Variants in NTRK3 observed in about 807,000 individuals in gnomAD.
NTRK3 encodes the protein NT-3 growth factor receptor.
NTRK3 carries 24 observed loss-of-function variants against 91.7 expected under a neutral mutation model. The observed-to-expected ratio is 0.26, with a 90% CI of 0.19 to 0.37. The LOEUF is 0.37. Among genes scored for constraint, NTRK3 ranks in the 10% least tolerant of loss-of-function variants. The pLI, the probability that NTRK3 is intolerant of heterozygous loss-of-function variation, is 1.00. For synonymous variants in NTRK3, 483 were observed against 404.0 expected (o/e 1.20, Z -2.34); for missense variants, 880 against 1,068.9 (o/e 0.82, Z 2.46).
intron 14 of NTRK3, among the ~76,000 whole-genome samples, chr15:87,945,820 A>C (rs28621865): frequency 0.08 from 12,024 of 151,094 alleles, 1,596 homozygotes; most frequent in African/African-American, 0.27. Context: ...AAAAAAAAAA[A>C]AAAAAAAAAC....
Position 88,179,586 on chromosome 15 carries a change from T to TC in NTRK3, c.395+3831dup, listed in dbSNP as rs1477840483. Among the ~76,000 whole-genome samples the TC allele has an allele frequency of 2.0e-5, 3 of 152,238 alleles. No individual in the cohort carries two copies. In the East Asian group the frequency reaches 5.8e-4, roughly 29 times the overall value. ...CGTCTACATTCTTCATGTATGGGGA[T>TC]CCCAGACTGTGGCGATCCAGTCTGT... On this transcript the variant is annotated intron_variant, in intron 5 of 18. Transcript: ENST00000394480.
intron 3 of NTRK3, among the ~76,000 whole-genome samples, chr15:88,254,337 G>C (rs2053768378): frequency 6.6e-6 from 1 of 152,032 alleles, no homozygotes; most frequent in Non-Finnish European, 1.5e-5. Flanking sequence ...TGGGGGAGAG[G>C]CACAGTTGGG....
intron 14 of NTRK3, chr15:87,979,178 G>A: frequency 1.5e-6 from 1 of 674,488 alleles, no homozygotes; most frequent in Admixed American, 2.3e-5. Flanking sequence ...GGTGGATGGG[G>A]GAAAACACCC....
At chr15:88,005,310 A>G (rs2076409627) in intron 14 of NTRK3, among the ~76,000 whole-genome samples, 1 of 152,170 alleles carries the variant, frequency 6.6e-6, no homozygotes, top group Non-Finnish European at 1.5e-5. Context: ...GCCCCAGAGA[A>G]GTCCATGGAG....
chr15:87,953,380 G>A (rs900714624), intron 14 of NTRK3, among the ~76,000 whole-genome samples: 31 of 152,194 alleles, frequency 2.0e-4, no homozygotes, highest in Admixed American at 6.5e-5. Context: ...TGGACCAGAA[G>A]ACGATTCTTT....
chr15:88,065,320 GTTC>G (rs1283002482), intron 13 of NTRK3, among the ~76,000 whole-genome samples: 2 of 152,132 alleles, frequency 1.3e-5, no homozygotes, highest in East Asian at 1.9e-4. Flanking sequence ...AGCAGAAAAC[GTTC>G]TTCTTAGTCC....
chr15:88,130,820 A>C (rs946213687), intron 10 of NTRK3, among the ~76,000 whole-genome samples: 38 of 152,336 alleles, frequency 2.5e-4, no homozygotes, highest in Admixed American at 2.0e-3. Flanking sequence ...ATTGGATCCT[A>C]GACAAGGAAA....
exon 7 of NTRK3, chr15:88,137,509 G>T (rs2041991345): frequency 6.2e-7 from 1 of 1,614,066 alleles, no homozygotes; most frequent in Non-Finnish European, 8.5e-7. Flanking sequence ...TCCTGCCAGA[G>T]CTGCATCCAG....
At position 88,075,451 on chromosome 15, in the gene NTRK3, C is replaced by A. The variant is rs549511542; in HGVS notation, c.1397-42406G>T. Among the ~76,000 whole-genome samples, 250 of 152,292 alleles carry A rather than the reference C, an allele frequency of 1.6e-3. 1 individual carries two copies. The highest frequency in any genetic ancestry group is 6.2e-3 in the Admixed American group (95 of 15,300). Reference sequence around the variant, plus strand: ...ACCCTCCATTAGCAGCTTAACGGTCCTAATAGACAACGCCCTGAAAGGAAC... The same window carrying A: ...ACCCTCCATTAGCAGCTTAACGGTCATAATAGACAACGCCCTGAAAGGAAC... On this transcript the variant is annotated intron_variant, in intron 13 of 18. Coordinates refer to ENST00000394480, the Ensembl canonical transcript of NTRK3.
At chr15:87,940,226 G>A (rs927230194) in intron 15 of NTRK3, among the ~76,000 whole-genome samples, 10 of 151,942 alleles carry the variant, frequency 6.6e-5, no homozygotes, top group African/African-American at 1.7e-4. Flanking sequence ...TAATCAGCCT[G>A]CTCTACAACA....
At chr15:88,212,318 C>T (rs1034111560) in intron 3 of NTRK3, among the ~76,000 whole-genome samples, 5 of 152,014 alleles carry the variant, frequency 3.3e-5, no homozygotes, top group Non-Finnish European at 7.4e-5. Flanking sequence ...TGCAGTGAGC[C>T]GAGATCGCGC....
exon 19 of NTRK3, chr15:87,872,372 CT>C (rs1187633634): frequency 1.3e-5 from 3 of 224,756 alleles, no homozygotes; most frequent in African/African-American, 4.5e-5. Flanking sequence ...TAGAAAAGGA[CT>C]TTGGTGAATA....
chr15:88,135,368 G>C (rs553060641), exon 10 of NTRK3: 4 of 1,614,044 alleles, frequency 2.5e-6, no homozygotes, highest in African/African-American at 2.7e-5. Flanking sequence ...CGCAGCTCAG[G>C]CTCCTCCAGG....
At chr15:88,186,023 G>A (rs2046916346) in intron 3 of NTRK3, among the ~76,000 whole-genome samples, 1 of 152,142 alleles carries the variant, frequency 6.6e-6, no homozygotes, top group South Asian at 2.1e-4. Context: ...CAGTTTGGGT[G>A]GTCTGGTCTC....
chr15:87,918,550 C>T (rs779188127), intron 17 of NTRK3, among the ~76,000 whole-genome samples: 2 of 152,190 alleles, frequency 1.3e-5, no homozygotes, highest in African/African-American at 2.4e-5. Context: ...GCCAACCAAC[C>T]CCTCAAGACC....
rs945244155 is a variant in NTRK3, at chr15:87,876,540, C to T, written c.*395G>A. 88 of 223,532 alleles carry T rather than the reference C, an allele frequency of 3.9e-4. 1 individual carries two copies. In the East Asian group the frequency reaches 5.4e-3, roughly 14 times the overall value. 13.8% of individuals were successfully genotyped at this position (223,532 alleles called of 1,614,324 possible). A position where few individuals can be genotyped will look rare whatever the true frequency, so the allele number is the denominator to read the frequency against. On this transcript the variant is annotated 3_prime_UTR_variant, in exon 19 of 19. Coordinates refer to ENST00000394480, the Ensembl canonical transcript of NTRK3. ...GTCCAGGTCTTCTGCTCCAAAGAGC[C>T]GTAGCATTAGAAGCATGGGCCACAG... is the stretch of plus-strand genomic sequence containing the variant.
chr15:88,218,145 C>G (rs2049949731), intron 3 of NTRK3, among the ~76,000 whole-genome samples: 1 of 152,168 alleles, frequency 6.6e-6, no homozygotes, highest in Non-Finnish European at 1.5e-5. Context: ...CATTTCTAGT[C>G]TAGCCTGACT....
chr15:88,022,286 C>G (rs16941141), intron 14 of NTRK3, among the ~76,000 whole-genome samples: 1,530 of 152,204 alleles, frequency 0.01, 24 homozygotes, highest in African/African-American at 0.035. Flanking sequence ...TCTGTACATC[C>G]AAGTTCAAGA....
intron 13 of NTRK3, among the ~76,000 whole-genome samples, chr15:88,099,741 C>T (rs1358486184): frequency 6.6e-6 from 1 of 152,182 alleles, no homozygotes; most frequent in African/African-American, 2.4e-5. Context: ...AAGCAACTGT[C>T]TTTTATTCTA....
Sources: gnomAD v4.1 joint callset for allele counts (sites outside exome capture counted in the v4.1 genomes callset) on GRCh38, gnomAD v4.1.1 for gene constraint, MANE v1.5 for transcripts, NCBI Gene and HGNC (gene_info 2026-07-23, HGNC 2026-07-21) for gene names.